Variants in EVA1C observed in about 807,000 individuals in gnomAD.
EVA1C encodes eva-1 homolog C, also known as protein eva-1 homolog C.
EVA1C carries 25 observed loss-of-function variants against 45.4 expected under a neutral mutation model. The ratio of observed to expected loss-of-function variants is 0.55; its 90% confidence interval spans 0.40 to 0.77. EVA1C has a LOEUF of 0.77. Ranked by LOEUF, EVA1C falls within the 30% of genes least tolerant of loss-of-function variation. EVA1C has a pLI of 0.00. For synonymous variants in EVA1C, 190 were observed against 221.2 expected, an observed-to-expected ratio of 0.86 and a Z score of 1.25; for missense variants, 479 against 554.8, an observed-to-expected ratio of 0.86 and a Z score of 1.37.
intron 1 of EVA1C, among the ~76,000 whole-genome samples, chr21:32,433,584 T>C (rs1436065544): frequency 2.6e-5 from 4 of 152,208 alleles, no homozygotes; most frequent in Non-Finnish European, 4.4e-5. Flanking sequence ...CCACAACAAA[T>C]TTAGGTTCCC....
In EVA1C at chr21:32,452,166, G is replaced by C. The variant is rs2035603902; in HGVS notation, c.161-1146G>C. The C allele has an allele frequency of 6.6e-6, 1 of 152,202 alleles. No homozygotes were observed. The highest frequency in any genetic ancestry group is 6.5e-5 in the Admixed American group (1 of 15,282). 9.4% of individuals were successfully genotyped at this position (152,202 alleles called of 1,614,324 possible). On this transcript the variant is annotated intron_variant, in intron 1 of 7. Coordinates refer to ENST00000300255, the MANE Select transcript of EVA1C (RefSeq NM_058187.5). This position sits in a 1 kb window ranked among gnomAD's most constrained non-coding sequence, Gnocchi z 4.0. The stretch of plus-strand genomic sequence containing the variant: ...CAGGATGGGCATCCACACATCCAGG[G>C]GACACTCACCCCGATTTTTTTCCTG...
chr21:32,451,988 A>G (rs909519770), intron 1 of EVA1C, among the ~76,000 whole-genome samples: 1 of 152,140 alleles, frequency 6.6e-6, no homozygotes, highest in African/African-American at 2.4e-5. Flanking sequence ...ACGCCCTTGG[A>G]GCAGGCCCCT....
intron 3 of EVA1C, among the ~76,000 whole-genome samples, chr21:32,458,800 C>T (rs1399759481): frequency 1.3e-5 from 2 of 152,002 alleles, no homozygotes; most frequent in South Asian, 2.1e-4. Flanking sequence ...ATTTTTAAAC[C>T]TCCTCCCTGC....
At chr21:32,490,365 A>G (rs1186196439) in intron 4 of EVA1C, among the ~76,000 whole-genome samples, 1 of 152,134 alleles carries the variant, frequency 6.6e-6, no homozygotes, top group Non-Finnish European at 1.5e-5. Flanking sequence ...ACTTAGCATA[A>G]TGTCTTCAAG....
chr21:32,416,475 C>T (rs989444934), intron 1 of EVA1C, among the ~76,000 whole-genome samples: 4 of 151,738 alleles, frequency 2.6e-5, no homozygotes, highest in African/African-American at 9.7e-5. Context: ...ATTATGGGCA[C>T]CCACCACCAC....
intron 1 of EVA1C, chr21:32,453,078 C>T (rs2035642848): frequency 2.1e-6 from 1 of 465,634 alleles, no homozygotes; most frequent in Non-Finnish European, 3.9e-6. Context: ...CCCTTCTCTA[C>T]CCAGCACTCC....
chr21:32,460,617 G>T (rs1256413714), intron 3 of EVA1C, among the ~76,000 whole-genome samples: 3 of 152,140 alleles, frequency 2.0e-5, no homozygotes, highest in Non-Finnish European at 4.4e-5. Context: ...AGGTGAGCAC[G>T]TCCTCGGTAA....
intron 1 of EVA1C, among the ~76,000 whole-genome samples, chr21:32,420,662 G>C (rs1318637232): frequency 6.6e-6 from 1 of 152,140 alleles, no homozygotes; most frequent in Non-Finnish European, 1.5e-5. Context: ...CCAAAGTGCT[G>C]GGATTACAGG....
intron 1 of EVA1C, among the ~76,000 whole-genome samples, chr21:32,437,233 G>A (rs766721197): frequency 6.6e-6 from 1 of 152,212 alleles, no homozygotes; most frequent in East Asian, 1.9e-4. Flanking sequence ...TAACAGCAGA[G>A]CATTAAGCCA....
chr21:32,499,526 A>G (rs1288887796), intron 5 of EVA1C, among the ~76,000 whole-genome samples: 1 of 152,186 alleles, frequency 6.6e-6, no homozygotes, highest in African/African-American at 2.4e-5. Flanking sequence ...AAAACTCACA[A>G]TCTAGGAATG....
chr21:32,449,893 G>A (rs1171372927), intron 1 of EVA1C, among the ~76,000 whole-genome samples: 2 of 152,172 alleles, frequency 1.3e-5, no homozygotes, highest in Non-Finnish European at 2.9e-5. Context: ...AAACTGTTGG[G>A]ATTATAGGTG....
intron 2 of EVA1C, among the ~76,000 whole-genome samples, chr21:32,453,996 C>T (rs113510508): frequency 0.037 from 5,583 of 152,142 alleles, 182 homozygotes; most frequent in African/African-American, 0.08. Flanking sequence ...TTTGGGAGGC[C>T]GAGGTGGGTG....
chr21:32,469,422 GC>G (rs1404245107), intron 4 of EVA1C, among the ~76,000 whole-genome samples: 5 of 152,168 alleles, frequency 3.3e-5, no homozygotes, highest in African/African-American at 4.8e-5. Flanking sequence ...AAGAGTGGAC[GC>G]AACGCCCTGA....
chr21:32,501,422 G>C lies in EVA1C; in HGVS notation c.786G>C (p.Lys262Asn). The change falls in exon 6 of 8, where the codon AAG becomes AAC. Residue 262 changes from lysine (K) to asparagine (N), a missense_variant. Lys to Asn is a moderately conservative substitution (Grantham distance 94). Transcript: ENST00000300255. ...YLTVTYACVP[K>N]NILTAIDPAI... ...TTCTTTTTTGGCTTTTAGTTCCCAA[G>C]AACATACTCACAGCGATTGATCCAG... 4 of 1,590,362 alleles carry C rather than the reference G, an allele frequency of 2.5e-6. No individual in the cohort carries two copies. Among genetic ancestry groups the C allele is most frequent in the Non-Finnish European group, 3.4e-6 (4 of 1,177,674 alleles).
At chr21:32,480,322 C>T (rs2036734401) in intron 4 of EVA1C, among the ~76,000 whole-genome samples, 2 of 85,460 alleles carry the variant, frequency 2.3e-5, no homozygotes, top group South Asian at 3.7e-4. Context: ...AAAAAGGTAC[C>T]GAGTTGGTAC....
intron 4 of EVA1C, among the ~76,000 whole-genome samples, 168 bp from the exon 5 acceptor site, chr21:32,494,859 G>A (rs2037290799): frequency 6.6e-6 from 1 of 152,012 alleles, no homozygotes; most frequent in East Asian, 1.9e-4. Context: ...GGATCATGAT[G>A]CTGGCTCTGC....
rs2036225609 is a variant in EVA1C at position 32,467,768 on chromosome 21, A to G, written c.554A>G (p.Asn185Ser). 6.2e-7 allele frequency: 1 copy of G among 1,613,150 alleles called. No homozygotes were observed. The highest frequency in any genetic ancestry group is 8.5e-7 in the Non-Finnish European group (1 of 1,179,552). Residue 185 changes from asparagine to serine, a missense_variant, in exon 4 of 8, where the codon AAC becomes AGC. By Grantham distance (46) the Asn-to-Ser change is conservative (BLOSUM62 1). Transcript: ENST00000300255. The stretch of plus-strand genomic sequence containing the variant: ...CACTGCCATGAATCCAAGTTCCTCA[A>G]CATCTACTCTGCGACCTACGGCAGG... ...KLHCHESKFL[N>S]IYSATYGRRT...
In EVA1C at chr21:32,453,499, C is replaced by T. The variant is rs1337814821; in HGVS notation, c.348C>T (p.Thr116=). The T allele has an allele frequency of 6.2e-7, 1 of 1,603,764 alleles. No homozygotes were observed. Among genetic ancestry groups the T allele is most frequent in the Admixed American group, 1.7e-5 (1 of 59,858 alleles). ...ACAGCTTAACCTGTGTGGCAGCCAC[C>T]ACCTTCCAGGTATTGCCTTTTGTAG... ...REDSLTCVAA[T]TFQKVLDECQ... is the part of the protein sequence containing the mutation. The change falls in exon 2 of 8, where the codon ACC becomes ACT. Residue 116 remains threonine, a synonymous_variant. Coordinates refer to ENST00000300255, the MANE Select transcript of EVA1C (RefSeq NM_058187.5).
chr21:32,441,412 C>T (rs967165463), intron 1 of EVA1C, among the ~76,000 whole-genome samples: 4 of 151,904 alleles, frequency 2.6e-5, no homozygotes, highest in Non-Finnish European at 5.9e-5. Flanking sequence ...GAGAGACAGT[C>T]AAAGCAAAGG....
Sources: gnomAD v4.1 joint callset for allele counts (sites outside exome capture counted in the v4.1 genomes callset) on GRCh38, gnomAD v4.1.1 for gene constraint, Gnocchi (gnomAD v3.1) non-coding constraint, MANE v1.5 for transcripts, NCBI Gene and HGNC (gene_info 2026-07-23, HGNC 2026-07-21) for gene names.